The following PPM1N variants were observed in gnomAD, a reference collection of about 807,000 sequenced individuals.
PPM1N encodes the protein protein phosphatase, Mg2+/Mn2+ dependent 1N (putative).
PPM1N carries 35 observed loss-of-function variants against 32.6 expected under a neutral mutation model. That is an observed-to-expected ratio of 1.07 (90% CI 0.82 to 1.43). PPM1N has a LOEUF of 1.43. Among genes scored for constraint, PPM1N ranks in the 40% most tolerant of loss-of-function variants. PPM1N has a pLI of 0.00. For missense variants in PPM1N, 648 were observed against 606.6 expected, an observed-to-expected ratio of 1.07 and a Z score of -0.72; for synonymous variants, 275 against 270.5, an observed-to-expected ratio of 1.02 and a Z score of -0.16.
chr19:45,502,319 A>G lies in PPM1N; in HGVS notation c.*234A>G. 3.8e-6 allele frequency: 2 copies of G among 532,740 alleles called. No homozygotes were observed. The allele number at this position is 532,740 out of a possible 1,614,324, so 33.0% of individuals were successfully genotyped here. A position where few individuals can be genotyped will look rare whatever the true frequency, so the allele number is the denominator to read the frequency against. On this transcript the variant is annotated 3_prime_UTR_variant, in exon 5 of 5. Coordinates refer to ENST00000451287, the MANE Select transcript of PPM1N (RefSeq NM_001080401.2). Reference sequence around the variant, plus strand: ...AAAAAGCCCAAATCGAAAAAAAAAAAAAAAAAAAAAAAAAACAAAAAAACC... The same window carrying G: ...AAAAAGCCCAAATCGAAAAAAAAAAGAAAAAAAAAAAAAAACAAAAAAACC...
chr19:45,501,895 C>T, intron 4 of PPM1N, 122 bp from the exon 5 acceptor site: 2 of 592,598 alleles, frequency 3.4e-6, no homozygotes, highest in South Asian at 6.6e-5. Flanking sequence ...GGTTGGGGTC[C>T]ACTCCATTCA....
rs763831202 is a variant in PPM1N at position 45,499,098 on chromosome 19, A to G, written c.626A>G (p.Glu209Gly). The change falls in exon 1 of 5, where the codon GAG becomes GGG. Residue 209 changes from glutamate (E) to glycine (G), a missense_variant. By Grantham distance (98) the Glu-to-Gly change is moderately conservative. Transcript: ENST00000451287. ...CGGCCCCTTCGACCCCGGGAACGCG[A>G]GCGCATCCACGCCGCTGGCGGCACC... ...DHRPLRPRER[E>G]RIHAAGGTIR... 22 of 1,515,432 alleles carry G rather than the reference A, an allele frequency of 1.5e-5. No homozygotes were observed. Among genetic ancestry groups the G allele is most frequent in the Non-Finnish European group, 1.8e-5 (21 of 1,141,832 alleles). The allele number at this position is 1,515,432 out of a possible 1,614,324, so 93.9% of individuals were successfully genotyped here. A position where few individuals can be genotyped will look rare whatever the true frequency, so the allele number is the denominator to read the frequency against.
In PPM1N at chr19:45,498,600, G is replaced by C; in HGVS notation, c.128G>C (p.Arg43Pro). The C allele has an allele frequency of 6.9e-7, 1 of 1,450,116 alleles. No individual in the cohort carries two copies. The highest frequency in any genetic ancestry group is 9.0e-7 in the Non-Finnish European group (1 of 1,106,008). 89.8% of individuals were successfully genotyped at this position (1,450,116 alleles called of 1,614,324 possible). The stretch of plus-strand genomic sequence containing the variant: ...GGGCGCAGGGCCCCCGAAGGGCCTC[G>C]GTCTCTGTTGACAGCGCCGCGCCGC... ...EAGRRAPEGP[R>P]SLLTAPRRAQ... is the part of the protein sequence containing the mutation. The change falls in exon 1 of 5, where the codon CGG becomes CCG. Residue 43 changes from arginine to proline, a missense_variant. Coordinates refer to ENST00000451287, the MANE Select transcript of PPM1N (RefSeq NM_001080401.2).
rs1374647052 is a variant in PPM1N at position 45,498,589 on chromosome 19, C to G, written c.117C>G (p.Pro39=). The G allele has an allele frequency of 4.1e-6, 6 of 1,458,720 alleles. No homozygotes were observed. The highest frequency in any genetic ancestry group is 5.4e-6 in the Non-Finnish European group (6 of 1,110,238). The allele number at this position is 1,458,720 out of a possible 1,614,324, so 90.4% of individuals were successfully genotyped here. The change falls in exon 1 of 5, where the codon CCC becomes CCG. Residue 39 remains proline, a synonymous_variant. Transcript: ENST00000451287. ...EEEEEAGRRA[P]EGPRSLLTAP... ...AGGAGGAGGCGGGGCGCAGGGCCCC[C>G]GAAGGGCCTCGGTCTCTGTTGACAG... is the stretch of plus-strand genomic sequence containing the variant.
intron 4 of PPM1N, among the ~76,000 whole-genome samples, chr19:45,501,774 A>C (rs73942908): frequency 1.3e-5 from 2 of 152,010 alleles, no homozygotes; most frequent in Admixed American, 6.6e-5. Context: ...AAGTTTGCCA[A>C]TTTCCCCGGA....
chr19:45,498,458 T>TCC lies in PPM1N; in HGVS notation c.-13_-12dup. The stretch of plus-strand genomic sequence containing the variant: ...GGTGTACAGGGTGGAGCCTTCCTGA[T>TCC]CCCAGGGCTGAAGGATGGCGGTCCT... On this transcript the variant is annotated 5_prime_UTR_variant, in exon 1 of 5. Transcript: ENST00000451287. 1 of 1,341,514 alleles carries TCC rather than the reference T, an allele frequency of 7.5e-7. No homozygotes were observed. The allele number at this position is 1,341,514 out of a possible 1,614,324, so 83.1% of individuals were successfully genotyped here. A position where few individuals can be genotyped will look rare whatever the true frequency, so the allele number is the denominator to read the frequency against.
intron 4 of PPM1N, 43 bp downstream of exon 4, chr19:45,500,753 G>GCGC: frequency 6.8e-7 from 1 of 1,478,564 alleles, no homozygotes; most frequent in Non-Finnish European, 9.2e-7. Flanking sequence ...AGGAGGGGAC[G>GCGC]CCCCCCCGCC....
chr19:45,499,146 G>A lies in PPM1N; in HGVS notation c.674G>A (p.Gly225Asp). ...GGTIRRRRVE[G>D]SLAVSRALGD... The stretch of plus-strand genomic sequence containing the variant: ...ACCATCCGCCGCCGCCGCGTCGAGG[G>A]CTCTCTGGCCGTGTCGCGAGCGTTG... The change falls in exon 1 of 5, where the codon GGC becomes GAC. Residue 225 changes from glycine (G) to aspartate (D), a missense_variant. Coordinates refer to ENST00000451287, the MANE Select transcript of PPM1N (RefSeq NM_001080401.2). 2 of 1,522,298 alleles carry A rather than the reference G, an allele frequency of 1.3e-6. No homozygotes were observed. The highest frequency in any genetic ancestry group is 8.7e-7 in the Non-Finnish European group (1 of 1,144,192). 94.3% of individuals were successfully genotyped at this position (1,522,298 alleles called of 1,614,324 possible). A position where few individuals can be genotyped will look rare whatever the true frequency, so the allele number is the denominator to read the frequency against.
In PPM1N at chr19:45,502,328, A is replaced by T. The variant is rs539685092; in HGVS notation, c.*243A>T. ...AAATCGAAAAAAAAAAAAAAAAAAA[A>T]AAAAAACAAAAAAACCCAACCAAAT... On this transcript the variant is annotated 3_prime_UTR_variant, in exon 5 of 5. Coordinates refer to ENST00000451287, the MANE Select transcript of PPM1N (RefSeq NM_001080401.2). 4.1e-6 allele frequency: 2 copies of T among 487,738 alleles called. No individual in the cohort carries two copies. Among genetic ancestry groups the T allele is most frequent in the African/African-American group, 2.5e-5 (1 of 39,788 alleles). The allele number at this position is 487,738 out of a possible 1,614,324, so 30.2% of individuals were successfully genotyped here.
chr19:45,499,023 G>C lies in PPM1N; in HGVS notation c.551G>C (p.Arg184Pro). ...TACCTGGCGCACTGCGGTGACTCCC[G>C]CGCGGTGCTGAGCCGCGCTGGCGCC... ...FLYLAHCGDS[R>P]AVLSRAGAVA... Residue 184 changes from arginine (R) to proline (P), a missense_variant, in exon 1 of 5, where the codon CGC becomes CCC. Arg to Pro is a moderately radical substitution (Grantham distance 103). Transcript: ENST00000451287. 6.4e-7 allele frequency: 1 copy of C among 1,557,258 alleles called. No individual in the cohort carries two copies. The highest frequency in any genetic ancestry group is 8.6e-7 in the Non-Finnish European group (1 of 1,161,582).
rs578085971 is a variant in PPM1N, at chr19:45,499,744, G to A, written c.940-205G>A. 4.6e-6 allele frequency: 7 copies of A among 1,524,296 alleles called. No homozygotes were observed. The South Asian group carries it at 7.5e-5, about 16-fold the overall frequency. The allele number at this position is 1,524,296 out of a possible 1,614,324, so 94.4% of individuals were successfully genotyped here. ...AGAGCAGGTAAACATCAGAGCGGGC[G>A]GAGCTTTAGGGAAAAGGCATTGTTC... On this transcript the variant is annotated intron_variant, in intron 1 of 4. Coordinates refer to ENST00000451287, the MANE Select transcript of PPM1N (RefSeq NM_001080401.2).
chr19:45,499,174 C>A lies in PPM1N; in HGVS notation c.702C>A (p.Gly234=), dbSNP rs764849763. ...CTCTGGCCGTGTCGCGAGCGTTGGGCGACTTTACCTACAAGGAGGCTCCGG... is the reference window on the plus strand; with the variant it reads ...CTCTGGCCGTGTCGCGAGCGTTGGGAGACTTTACCTACAAGGAGGCTCCGG... ...EGSLAVSRAL[G]DFTYKEAPGR... is the part of the protein sequence containing the mutation. The change falls in exon 1 of 5, where the codon GGC becomes GGA. Residue 234 remains glycine, a synonymous_variant. Transcript: ENST00000451287. 9.8e-6 allele frequency: 15 copies of A among 1,529,804 alleles called. No homozygotes were observed. The highest frequency in any genetic ancestry group is 1.4e-5 in the African/African-American group (1 of 72,348). 94.8% of individuals were successfully genotyped at this position (1,529,804 alleles called of 1,614,324 possible). A position where few individuals can be genotyped will look rare whatever the true frequency, so the allele number is the denominator to read the frequency against.
rs1968389426 is a variant in PPM1N, at chr19:45,500,186, G to A, written c.1057+120G>A. 3.0e-6 allele frequency: 4 copies of A among 1,311,870 alleles called. No individual in the cohort carries two copies. In the East Asian group the frequency reaches 1.0e-4, roughly 33 times the overall value. The allele number at this position is 1,311,870 out of a possible 1,614,324, so 81.3% of individuals were successfully genotyped here. The stretch of plus-strand genomic sequence containing the variant: ...GTCTTGCTCTGTCTCCTAGGCTGGA[G>A]TGCAGTGGCGTGATCTTGGCTCACT... On this transcript the variant is annotated intron_variant, in intron 2 of 4. Transcript: ENST00000451287.
chr19:45,499,850 C>A, intron 1 of PPM1N, 99 bp from the exon 2 acceptor site: 2 of 1,516,176 alleles, frequency 1.3e-6, no homozygotes, highest in East Asian at 4.9e-5. Flanking sequence ...AAGAAATGGG[C>A]ATAAGTAGAA....
At chr19:45,499,877 A>T in intron 1 of PPM1N, 72 bp from the exon 2 acceptor site, 1 of 1,531,546 alleles carries the variant, frequency 6.5e-7, no homozygotes, top group Non-Finnish European at 8.8e-7. Context: ...GGGGGACTTG[A>T]ACCTGGGGAT....
chr19:45,501,888 T>C, intron 4 of PPM1N, 129 bp from the exon 5 acceptor site: 2 of 546,552 alleles, frequency 3.7e-6, no homozygotes, highest in Non-Finnish European at 6.1e-6. Context: ...CACTTGGGGT[T>C]GGGGTCCACT....
In PPM1N at chr19:45,500,486, G is replaced by C. The variant is rs750318081; in HGVS notation, c.1088G>C (p.Ser363Thr). The C allele has an allele frequency of 2.8e-5, 45 of 1,610,654 alleles. No individual in the cohort carries two copies. The highest frequency in any genetic ancestry group is 1.1e-5 in the South Asian group (1 of 90,376). The change falls in exon 3 of 5, where the codon AGC becomes ACC. Residue 363 changes from serine to threonine, a missense_variant. By Grantham distance (58) the Ser-to-Thr change is moderately conservative. Coordinates refer to ENST00000451287, the MANE Select transcript of PPM1N (RefSeq NM_001080401.2). ...ELCASAQKPP[S>T]LNTVFRTLAS... ...TGTGCCTCTGCTCAGAAGCCCCCCA[G>C]CCTGAACACAGTTTTCAGGACTCTG...
At chr19:45,501,414 G>C (rs979220619) in intron 4 of PPM1N, among the ~76,000 whole-genome samples, 1 of 152,234 alleles carries the variant, frequency 6.6e-6, no homozygotes, top group African/African-American at 2.4e-5. Context: ...AGAGCCCCAA[G>C]GCCTTTGCAT....
At chr19:45,501,022 G>A (rs968619565) in intron 4 of PPM1N, among the ~76,000 whole-genome samples, 11 of 151,986 alleles carry the variant, frequency 7.2e-5, no homozygotes, top group African/African-American at 2.7e-4. Context: ...CAGCCAGCTT[G>A]CTATATTAAT....
Sources: allele counts gnomAD v4.1 joint callset (sites outside exome capture counted in the v4.1 genomes callset), GRCh38; gene constraint gnomAD v4.1.1; transcripts MANE v1.5; gene names NCBI Gene and HGNC (gene_info 2026-07-23, HGNC 2026-07-21).